Variants in AP4M1 observed in about 807,000 individuals in gnomAD.
The protein encoded by AP4M1 is AP-4 complex subunit mu-1.
In AP4M1, 58 loss-of-function variants were observed where a neutral mutation model predicts 62.4. That is an observed-to-expected ratio of 0.93 (90% CI 0.75 to 1.16). AP4M1 has a LOEUF of 1.16. Among genes scored for constraint, AP4M1 ranks in the 50% most tolerant of loss-of-function variants. The pLI is 0.00. For missense variants in AP4M1, 626 were observed against 585.4 expected, an observed-to-expected ratio of 1.07 and a Z score of -0.72; for synonymous variants, 290 against 239.7, an observed-to-expected ratio of 1.21 and a Z score of -1.94.
rs202052188 is a variant in AP4M1 at position 100,106,225 on chromosome 7, C to G, written c.975-16C>G. ...GTGCCTTCCTGGGGCTGACTTTGTT[C>G]CCGTCTCCTCTGTAGCCAAGCCCTC... On this transcript the variant is annotated splice_polypyrimidine_tract_variant and intron_variant, in intron 12 of 14. Transcript: ENST00000359593. 242 of 1,614,066 alleles carry G rather than the reference C, an allele frequency of 1.5e-4. No individual in the cohort carries two copies. In the African/African-American group the frequency reaches 2.6e-3, roughly 17 times the overall value.
chr7:100,102,807 G>A, intron 3 of AP4M1, 26 bp downstream of exon 3: 1 of 1,613,232 alleles, frequency 6.2e-7, no homozygotes, highest in Non-Finnish European at 8.5e-7. Context: ...CTGGGCACCT[G>A]GTAGCTAGGA....
chr7:100,101,329 C>A, upstream of AP4M1: 1 of 1,612,682 alleles, frequency 6.2e-7, no homozygotes, highest in Middle Eastern at 1.6e-4. Context: ...GCTTGGCGGG[C>A]TCAGAGGTCT....
intron 11 of AP4M1, among the ~76,000 whole-genome samples, 172 bp from the exon 12 acceptor site, chr7:100,105,787 A>G (rs1391640151): frequency 1.4e-5 from 2 of 141,264 alleles, no homozygotes; most frequent in African/African-American, 6.2e-5. Flanking sequence ...TCTCTCTGAA[A>G]AAAAAAAAAA....
chr7:100,102,376 G>A (rs1385070280), intron 2 of AP4M1: 1 of 515,806 alleles, frequency 1.9e-6, no homozygotes, highest in Non-Finnish European at 3.5e-6. Flanking sequence ...GGGAGACAGA[G>A]CGAGACTCCC....
chr7:100,105,122 C>G (rs772767645), intron 9 of AP4M1, 24 bp downstream of exon 9: 4 of 1,613,990 alleles, frequency 2.5e-6, no homozygotes, highest in Non-Finnish European at 3.4e-6. Flanking sequence ...GGGTCTTTCT[C>G]CCCTTGGAGT....
chr7:100,106,321 T>A lies in AP4M1; in HGVS notation c.1025+30T>A. 2.5e-6 allele frequency: 4 copies of A among 1,613,670 alleles called. No individual in the cohort carries two copies. The South Asian group carries it at 3.3e-5, about 13-fold the overall frequency. ...GTGTGTGCACCCACCACGGGGAGAT[T>A]CCTGGGGAGAGAGTGAGCTCAGCAT... is the stretch of plus-strand genomic sequence containing the variant. On this transcript the variant is annotated intron_variant, in intron 13 of 14. Transcript: ENST00000359593.
intron 11 of AP4M1, among the ~76,000 whole-genome samples, chr7:100,105,740 A>T (rs1381696418): frequency 6.6e-6 from 1 of 151,590 alleles, no homozygotes; most frequent in Non-Finnish European, 1.5e-5. Context: ...TGAGCCCAGG[A>T]GTTCCAGACC....
Position 100,107,596 on chromosome 7 carries a change from C to A in AP4M1, c.*714C>A. 6.2e-7 allele frequency: 1 copy of A among 1,613,334 alleles called. No homozygotes were observed. The highest frequency in any genetic ancestry group is 8.5e-7 in the Non-Finnish European group (1 of 1,179,824). On this transcript the variant is annotated 3_prime_UTR_variant, in exon 15 of 15. Coordinates refer to ENST00000359593, the MANE Select transcript of AP4M1 (RefSeq NM_004722.4). ...GGCGAAGTGGTGGTGGAACCTGAGCCGGGGGCCGAGGTGCTGAGGGACAGG... is the reference window on the plus strand; with the variant it reads ...GGCGAAGTGGTGGTGGAACCTGAGCAGGGGGCCGAGGTGCTGAGGGACAGG...
intron 14 of AP4M1, 31 bp from the exon 15 acceptor site, chr7:100,106,627 T>C (rs1292896498): frequency 1.5e-6 from 2 of 1,330,240 alleles, no homozygotes; most frequent in South Asian, 2.3e-5. Context: ...CTTCTTGCCC[T>C]CCTTCCTCTC....
chr7:100,106,576 C>CCCCCCCCAA, intron 14 of AP4M1, 62 bp downstream of exon 14: 1 of 1,551,542 alleles, frequency 6.4e-7, no homozygotes, highest in Non-Finnish European at 8.9e-7. Flanking sequence ...CCACCCCACC[C>CCCCCCCCAA]TCCCGAAGCA....
At chr7:100,103,573 T>C (rs1414003979) in intron 5 of AP4M1, 39 bp from the exon 6 acceptor site, 1 of 1,613,992 alleles carries the variant, frequency 6.2e-7, no homozygotes, top group Admixed American at 1.7e-5. Context: ...TGGCTGGGGT[T>C]GTCAGACCTG....
At position 100,107,857 on chromosome 7, in the gene AP4M1, G is replaced by C; in HGVS notation, c.*975G>C. 6.5e-7 allele frequency: 1 copy of C among 1,530,440 alleles called. No homozygotes were observed. Among genetic ancestry groups the C allele is most frequent in the South Asian group, 1.3e-5 (1 of 78,986 alleles). The allele number at this position is 1,530,440 out of a possible 1,614,324, so 94.8% of individuals were successfully genotyped here. On this transcript the variant is annotated 3_prime_UTR_variant, in exon 15 of 15. Transcript: ENST00000359593. Reference sequence around the variant, plus strand: ...CCAGAGGGGACTGTGCTCTACTCCTGGGCCTCCCCAGGGTGCTCTGAGGTA... The same window carrying C: ...CCAGAGGGGACTGTGCTCTACTCCTCGGCCTCCCCAGGGTGCTCTGAGGTA...
rs754383689 is a variant in AP4M1, at chr7:100,107,418, G to C, written c.*536G>C. 6.2e-7 allele frequency: 1 copy of C among 1,608,476 alleles called. No homozygotes were observed. On this transcript the variant is annotated 3_prime_UTR_variant, in exon 15 of 15. Coordinates refer to ENST00000359593, the MANE Select transcript of AP4M1 (RefSeq NM_004722.4). ...AGGAACTGGAGAAGGATGGGAGGTG[G>C]GGCCTCCTTTGCCCTCCCCTGTTGG...
rs760183417 is a variant in AP4M1, at chr7:100,107,270, G to A, written c.*388G>A. Reference sequence around the variant, plus strand: ...ATCACGGAGCAGGCTGAGGGGAGCCGGAGTTGGGCTGGGAGCCATTGGCTT... The same window carrying A: ...ATCACGGAGCAGGCTGAGGGGAGCCAGAGTTGGGCTGGGAGCCATTGGCTT... On this transcript the variant is annotated 3_prime_UTR_variant, in exon 15 of 15. Coordinates refer to ENST00000359593, the MANE Select transcript of AP4M1 (RefSeq NM_004722.4). 3.8e-5 allele frequency: 58 copies of A among 1,523,384 alleles called. No individual in the cohort carries two copies. Among genetic ancestry groups the A allele is most frequent in the South Asian group, 2.0e-4 (15 of 75,578 alleles). The allele number at this position is 1,523,384 out of a possible 1,614,324, so 94.4% of individuals were successfully genotyped here. A position where few individuals can be genotyped will look rare whatever the true frequency, so the allele number is the denominator to read the frequency against.
In AP4M1 at chr7:100,101,733, A is replaced by C. The variant is rs762494123; in HGVS notation, c.19A>C (p.Ile7Leu). MISQFF[I>L]LSSKGDPLIY... is the part of the protein sequence containing the mutation. ...AACGGCCATGATTTCCCAATTCTTC[A>C]TTCTGTCCTCCAAGGGGGACCCGCT... is the stretch of plus-strand genomic sequence containing the variant. Residue 7 changes from isoleucine to leucine, a missense_variant, in exon 1 of 15, where the codon ATT (isoleucine) becomes CTT (leucine). Physicochemically the swap from Ile to Leu is conservative, Grantham distance 5. Transcript: ENST00000359593. 2 of 1,559,854 alleles carry C rather than the reference A, an allele frequency of 1.3e-6. No individual in the cohort carries two copies. Among genetic ancestry groups the C allele is most frequent in the Non-Finnish European group, 1.7e-6 (2 of 1,145,252 alleles).
Position 100,106,278 on chromosome 7 carries a change from C to A in AP4M1, c.1012C>A (p.Arg338=). The change falls in exon 13 of 15, where the codon CGA becomes AGA. Residue 338 remains arginine (R), a synonymous_variant. Coordinates refer to ENST00000359593, the MANE Select transcript of AP4M1 (RefSeq NM_004722.4). The stretch of plus-strand genomic sequence containing the variant: ...TGTCAGGCTGCACCTCCCCCTGCCT[C>A]GAGGGGTGGTCAGGTGAGTGTGTGC... ...LNVRLHLPLP[R]GVVSLSQELS... The A allele has an allele frequency of 6.2e-7, 1 of 1,614,046 alleles. No homozygotes were observed. The highest frequency in any genetic ancestry group is 8.5e-7 in the Non-Finnish European group (1 of 1,180,016).
rs1452412872 is a variant in AP4M1 at position 100,102,043 on chromosome 7, G to T, written c.147+75G>T. The T allele has an allele frequency of 3.3e-6, 5 of 1,517,738 alleles. No individual in the cohort carries two copies. In the East Asian group the frequency reaches 9.1e-5, roughly 28 times the overall value. 94.0% of individuals were successfully genotyped at this position (1,517,738 alleles called of 1,614,324 possible). ...TGGGCGCCAGCTCCCTCCCAGGACT[G>T]GTTCATTGGTAGATTCCACTTGGGG... On this transcript the variant is annotated intron_variant, in intron 2 of 14. Coordinates refer to ENST00000359593, the MANE Select transcript of AP4M1 (RefSeq NM_004722.4).
At position 100,105,824 on chromosome 7, in the gene AP4M1, G is replaced by T; in HGVS notation, c.930-135G>T. 5 of 1,109,348 alleles carry T rather than the reference G, an allele frequency of 4.5e-6. No homozygotes were observed. In the Middle Eastern group the frequency reaches 6.4e-4, roughly 143 times the overall value. 68.7% of individuals were successfully genotyped at this position (1,109,348 alleles called of 1,614,324 possible). On this transcript the variant is annotated intron_variant, in intron 11 of 14. Transcript: ENST00000359593. ...GAAAAAGCTTTGGCTAATGGAGTTGGGCTGGGCTTCAGCCCTTTTCCCTCT... is the reference window on the plus strand; with the variant it reads ...GAAAAAGCTTTGGCTAATGGAGTTGTGCTGGGCTTCAGCCCTTTTCCCTCT...
In AP4M1 at chr7:100,108,747, G is replaced by C. The variant is rs1210642172; in HGVS notation, c.*1865G>C. The C allele has an allele frequency of 1.6e-5, 8 of 499,428 alleles. No homozygotes were observed. Among genetic ancestry groups the C allele is most frequent in the African/African-American group, 1.6e-4 (8 of 51,132 alleles). The allele number at this position is 499,428 out of a possible 1,614,324, so 30.9% of individuals were successfully genotyped here. On this transcript the variant is annotated 3_prime_UTR_variant, in exon 15 of 15. Coordinates refer to ENST00000359593, the MANE Select transcript of AP4M1 (RefSeq NM_004722.4). ...TGTGGGCTTTCTCATAAGAAAAGAT[G>C]GGCACGGGGCCAGGTGCAGCATCTT...
Sources: gnomAD v4.1 joint callset for allele counts (sites outside exome capture counted in the v4.1 genomes callset) on GRCh38, gnomAD v4.1.1 for gene constraint, MANE v1.5 for transcripts, NCBI Gene and HGNC (gene_info 2026-07-23, HGNC 2026-07-21) for gene names.